Variants in RGS7 observed in about 807,000 individuals in gnomAD.
The protein encoded by RGS7 is regulator of G protein signaling 7.
Under a neutral mutation model 81.1 loss-of-function variants are expected in RGS7, and 27 were observed. The observed-to-expected ratio is 0.33, with a 90% CI of 0.25 to 0.46. The LOEUF is 0.46. Among genes scored for constraint, RGS7 ranks in the 20% least tolerant of loss-of-function variants. The pLI is 1.00. For synonymous variants in RGS7, 208 were observed against 207.7 expected, an observed-to-expected ratio of 1.00 and a Z score of -0.01; for missense variants, 396 against 607.4, an observed-to-expected ratio of 0.65 and a Z score of 3.66.
In RGS7 at chr1:241,271,090, G is replaced by A. The variant is rs143250344; in HGVS notation, c.78+84609C>T. On this transcript the variant is annotated intron_variant, in intron 2 of 18. Coordinates refer to ENST00000440928, the MANE Select transcript of RGS7 (RefSeq NM_001364886.1). The surrounding 1 kb of genome is among the most constrained non-coding windows in gnomAD (Gnocchi z 4.6). ...CTACTTTAAGTATCGCTGCAGTGGC[G>A]AAAGCATTCATCATTGCCGACCTGT... is the stretch of plus-strand genomic sequence containing the variant. 3.1e-3 allele frequency among the ~76,000 whole-genome samples: 474 copies of A among 152,278 alleles called. 1 individual carries two copies. Among genetic ancestry groups the A allele is most frequent in the Middle Eastern group, 6.8e-3 (2 of 294 alleles).
chr1:241,279,618 CA>C (rs1352676361), intron 2 of RGS7, among the ~76,000 whole-genome samples: 1 of 152,174 alleles, frequency 6.6e-6, no homozygotes, highest in African/African-American at 2.4e-5. Context: ...TAAAATATCA[CA>C]ACCAGGATGC....
chr1:240,887,094 C>G (rs568619755), intron 6 of RGS7, among the ~76,000 whole-genome samples: 1 of 151,906 alleles, frequency 6.6e-6, no homozygotes, highest in Admixed American at 6.6e-5. Flanking sequence ...TAACTACAGA[C>G]GGAAAGTAAT....
At chr1:241,269,401 C>T (rs573074468) in intron 2 of RGS7, among the ~76,000 whole-genome samples, 9 of 152,342 alleles carry the variant, frequency 5.9e-5, no homozygotes, top group African/African-American at 1.4e-4. Context: ...GCCCACGTTC[C>T]GTCCATCCCA....
At chr1:240,890,751 G>A (rs1366914200) in intron 6 of RGS7, among the ~76,000 whole-genome samples, 1 of 152,200 alleles carries the variant, frequency 6.6e-6, no homozygotes, top group African/African-American at 2.4e-5. Context: ...GAGGCACAGA[G>A]AGTTTACAGG....
intron 3 of RGS7, among the ~76,000 whole-genome samples, chr1:240,999,553 T>A (rs1042415923): frequency 1.3e-5 from 2 of 152,144 alleles, no homozygotes; most frequent in African/African-American, 2.4e-5. Context: ...ATATATATAT[T>A]TTTTCCATTT....
At chr1:241,115,300 GA>G (rs1349223929) in intron 2 of RGS7, among the ~76,000 whole-genome samples, 2 of 152,258 alleles carry the variant, frequency 1.3e-5, no homozygotes, top group Admixed American at 1.3e-4. Context: ...GGTTCATGCT[GA>G]ACCTCCGAAT....
At chr1:241,284,855 CTTTG>C (rs1366883869) in intron 2 of RGS7, among the ~76,000 whole-genome samples, 11 of 133,948 alleles carry the variant, frequency 8.2e-5, no homozygotes, top group Non-Finnish European at 1.5e-4. Flanking sequence ...TTCTGTCTTT[CTTTG>C]TTTTTTTTTG....
At chr1:240,919,128 AACTTC>A (rs1673077436) in intron 6 of RGS7, among the ~76,000 whole-genome samples, 1 of 152,158 alleles carries the variant, frequency 6.6e-6, no homozygotes. Flanking sequence ...AAGCCCAGAT[AACTTC>A]ACTGGGGAAT....
intron 4 of RGS7, among the ~76,000 whole-genome samples, chr1:240,976,792 CCATCTATCTAT>C (rs1468641008): frequency 1.7e-5 from 2 of 117,978 alleles, no homozygotes; most frequent in African/African-American, 5.2e-5. Context: ...CATCTATTAT[CCATCTATCTAT>C]CATCTATCTA....
intron 2 of RGS7, among the ~76,000 whole-genome samples, chr1:241,101,492 C>A (rs1416798913): frequency 6.6e-6 from 1 of 151,318 alleles, no homozygotes; most frequent in East Asian, 1.9e-4. Flanking sequence ...TGAGACTTCA[C>A]CTCAAAAACA....
chr1:240,823,016 T>A (rs1331439006), intron 10 of RGS7: 2 of 541,726 alleles, frequency 3.7e-6, no homozygotes, highest in Non-Finnish European at 6.7e-6. Flanking sequence ...GAAGAAATTG[T>A]CTTGAGTTTC....
At chr1:240,867,343 T>C (rs899974954) in intron 9 of RGS7, among the ~76,000 whole-genome samples, 1 of 152,224 alleles carries the variant, frequency 6.6e-6, no homozygotes, top group East Asian at 1.9e-4. Flanking sequence ...TTTCATGCTA[T>C]GAACCTATTA....
chr1:240,927,170 G>A (rs1364773443), intron 6 of RGS7, among the ~76,000 whole-genome samples: 3 of 152,226 alleles, frequency 2.0e-5, no homozygotes, highest in Non-Finnish European at 4.4e-5. Flanking sequence ...AGGTTCAAGC[G>A]ATTCTCCTGA....
intron 2 of RGS7, among the ~76,000 whole-genome samples, chr1:241,254,689 T>C (rs116853841): frequency 6.6e-6 from 1 of 152,308 alleles, no homozygotes; most frequent in East Asian, 1.9e-4. Context: ...TTTTGAGGTT[T>C]CAATTGTATA....
At chr1:241,050,943 T>C (rs1180194245) in intron 3 of RGS7, among the ~76,000 whole-genome samples, 3 of 152,182 alleles carry the variant, frequency 2.0e-5, no homozygotes, top group Non-Finnish European at 4.4e-5. Context: ...GCCAAGCTTT[T>C]GGGGAGTCAA....
intron 4 of RGS7, among the ~76,000 whole-genome samples, chr1:240,969,136 AGCTTTATCCAGT>A (rs1322321861): frequency 1.3e-5 from 2 of 152,186 alleles, no homozygotes; most frequent in African/African-American, 4.8e-5. Flanking sequence ...AGGCCTTATT[AGCTTTATCCAGT>A]GCTTTTTACT....
At chr1:241,279,919 T>C (rs1027274026) in intron 2 of RGS7, among the ~76,000 whole-genome samples, 1 of 152,110 alleles carries the variant, frequency 6.6e-6, no homozygotes, top group African/African-American at 2.4e-5. Context: ...CTAGTGGTAT[T>C]CTATGGGAAG....
At chr1:241,263,099 AAAACAAAACAAAC>A (rs1443195194) in intron 2 of RGS7, among the ~76,000 whole-genome samples, 3 of 151,938 alleles carry the variant, frequency 2.0e-5, no homozygotes, top group African/African-American at 7.3e-5. Flanking sequence ...ACTCTGTCTC[AAAACAAAACAAAC>A]AAACAAAAAC....
At chr1:240,999,887 G>A (rs1446275579) in intron 3 of RGS7, among the ~76,000 whole-genome samples, 1 of 152,170 alleles carries the variant, frequency 6.6e-6, no homozygotes. Context: ...ACAGGCGTGA[G>A]CCACTGAGCC....
Sources: gnomAD v4.1 joint callset for allele counts (sites outside exome capture counted in the v4.1 genomes callset) on GRCh38, gnomAD v4.1.1 for gene constraint, Gnocchi (gnomAD v3.1) non-coding constraint, MANE v1.5 for transcripts, NCBI Gene and HGNC (gene_info 2026-07-23, HGNC 2026-07-21) for gene names.